The following NKAIN3 variants were observed in gnomAD, a reference collection of about 807,000 sequenced individuals.
NKAIN3 encodes sodium/potassium-transporting ATPase subunit beta-1-interacting protein 3.
NKAIN3 carries 25 observed loss-of-function variants against 30.2 expected under a neutral mutation model. The ratio of observed to expected loss-of-function variants is 0.83; its 90% CI spans 0.60 to 1.16. The LOEUF (loss-of-function observed/expected upper bound fraction) is 1.16, where lower values mean the gene tolerates loss of function less well. Among genes scored for constraint, NKAIN3 ranks in the 50% most tolerant of loss-of-function variants. The probability of loss-of-function intolerance (pLI) is 0.00; values close to 1 mark genes in which losing one functional copy is unlikely to be tolerated. For synonymous variants in NKAIN3, 91 were observed against 89.6 expected, an observed-to-expected ratio of 1.02 and a Z score of -0.09; for missense variants, 225 against 254.1, an observed-to-expected ratio of 0.89 and a Z score of 0.78.
chr8:62,499,307 A>G (rs1480070917), intron 1 of NKAIN3, among the ~76,000 whole-genome samples: 1 of 152,040 alleles, frequency 6.6e-6, no homozygotes, highest in Non-Finnish European at 1.5e-5. Context: ...AATGCCGTTG[A>G]ATGATTCCCA....
chr8:62,393,999 G>T (rs1817652872), intron 1 of NKAIN3, among the ~76,000 whole-genome samples: 2 of 152,086 alleles, frequency 1.3e-5, no homozygotes, highest in Non-Finnish European at 2.9e-5. Context: ...GGTTCTTTAA[G>T]ATTTTCTACA....
intron 4 of NKAIN3, among the ~76,000 whole-genome samples, chr8:62,843,631 G>A (rs547069848): frequency 1.3e-5 from 2 of 152,018 alleles, no homozygotes; most frequent in Admixed American, 6.6e-5. Flanking sequence ...CACCATGGCC[G>A]GCCCCTGCTG....
intron 3 of NKAIN3, among the ~76,000 whole-genome samples, chr8:62,602,856 T>A (rs1811022416): frequency 6.6e-6 from 1 of 152,146 alleles, no homozygotes; most frequent in African/African-American, 2.4e-5. Flanking sequence ...TTAATGAGTC[T>A]ATAATTATTC....
intron 4 of NKAIN3, among the ~76,000 whole-genome samples, chr8:62,749,834 C>T (rs1483895919): frequency 3.3e-5 from 5 of 151,350 alleles, no homozygotes; most frequent in Admixed American, 6.6e-5. Context: ...AGGTGCACGC[C>T]GCCACGTCCA....
intron 1 of NKAIN3, among the ~76,000 whole-genome samples, chr8:62,293,397 A>C (rs984837296): frequency 6.6e-6 from 1 of 152,108 alleles, no homozygotes; most frequent in African/African-American, 2.4e-5. Flanking sequence ...GATGATGGTG[A>C]CATACAGATG....
At chr8:62,494,337 A>G (rs1026167078) in intron 1 of NKAIN3, among the ~76,000 whole-genome samples, 1 of 152,136 alleles carries the variant, frequency 6.6e-6, no homozygotes, top group Non-Finnish European at 1.5e-5. Context: ...TGATTTGCAT[A>G]TGTTGAACCA....
In NKAIN3 at chr8:62,883,457, G is replaced by GTTGTTTTTTTTTTTTTTTTTTTTTTTTT; in HGVS notation, c.472-34994_472-34993insGTTTTTTTTTTTTTTTTTTTTTTTTTTT. Among the ~76,000 whole-genome samples, 16 of 70,226 alleles carry GTTGTTTTTTTTTTTTTTTTTTTTTTTTT rather than the reference G, an allele frequency of 2.3e-4. 2 individuals are homozygous for GTTGTTTTTTTTTTTTTTTTTTTTTTTTT. Among genetic ancestry groups the GTTGTTTTTTTTTTTTTTTTTTTTTTTTT allele is most frequent in the African/African-American group, 8.4e-4 (12 of 14,284 alleles). The allele number at this position is 70,226 out of a possible 152,430, so 46.1% of individuals were successfully genotyped here. A position where few individuals can be genotyped will look rare whatever the true frequency, so the allele number is the denominator to read the frequency against. On this transcript the variant is annotated intron_variant, in intron 4 of 6. Coordinates refer to ENST00000623646, the MANE Select transcript of NKAIN3 (RefSeq NM_001304533.3). ...TTTATTATTTCCAGGAGTTTTATGG[G>GTTGTTTTTTTTTTTTTTTTTTTTTTTTT]TTTTTTTTTTTTTTTTCAGATTTTC...
intron 4 of NKAIN3, among the ~76,000 whole-genome samples, chr8:62,827,896 T>C (rs764795950): frequency 6.2e-4 from 95 of 152,136 alleles, no homozygotes; most frequent in Non-Finnish European, 1.2e-3. Context: ...TTATGCACAT[T>C]TTAGAACACA....
chr8:62,571,057 A>G (rs1563462704), intron 1 of NKAIN3, among the ~76,000 whole-genome samples: 1 of 152,202 alleles, frequency 6.6e-6, no homozygotes, highest in Admixed American at 6.5e-5. Context: ...GTGTGATGTA[A>G]AAGCTCTAAA....
chr8:62,855,749 G>C, intron 4 of NKAIN3: 1 of 1,375,872 alleles, frequency 7.3e-7, no homozygotes, highest in South Asian at 1.2e-5. Context: ...CTGCTCTGGA[G>C]TTGCCATGAC....
chr8:62,709,859 G>T (rs1020249016), intron 3 of NKAIN3, among the ~76,000 whole-genome samples: 1 of 151,910 alleles, frequency 6.6e-6, no homozygotes, highest in African/African-American at 2.4e-5. Context: ...AGGCATTTAG[G>T]GCTATGAACT....
chr8:62,839,680 C>T (rs1455595723), intron 4 of NKAIN3, among the ~76,000 whole-genome samples: 1 of 151,964 alleles, frequency 6.6e-6, no homozygotes, highest in Non-Finnish European at 1.5e-5. Context: ...GGCTCCTGGG[C>T]TCAATAATCC....
At chr8:62,800,803 C>G (rs1323996594) in intron 4 of NKAIN3, among the ~76,000 whole-genome samples, 1 of 152,204 alleles carries the variant, frequency 6.6e-6, no homozygotes, top group African/African-American at 2.4e-5. Flanking sequence ...CAAGCTGAAG[C>G]AGGGCGAGGC....
At chr8:62,500,454 AAAG>A (rs1807396890) in intron 1 of NKAIN3, among the ~76,000 whole-genome samples, 1 of 140,136 alleles carries the variant, frequency 7.1e-6, no homozygotes, top group Non-Finnish European at 1.5e-5. Context: ...AGAAAGAAAG[AAAG>A]AAAGAAAGAA....
chr8:62,647,907 C>T (rs745309873), intron 3 of NKAIN3, among the ~76,000 whole-genome samples: 1 of 152,012 alleles, frequency 6.6e-6, no homozygotes, highest in Non-Finnish European at 1.5e-5. Context: ...GTGAGGTAGG[C>T]GGATGGCTCG....
At position 62,855,272 on chromosome 8, in the gene NKAIN3, T is replaced by A. The variant is rs1586273169; in HGVS notation, c.472-63181T>A. On this transcript the variant is annotated intron_variant, in intron 4 of 6. Coordinates refer to ENST00000623646, the MANE Select transcript of NKAIN3 (RefSeq NM_001304533.3). ...ACAAGGCCTGCCAGCCTGGCCACAG[T>A]GTGGAAGGGCAGCTGGTCACACAGC... 1.2e-5 allele frequency: 6 copies of A among 482,084 alleles called. No homozygotes were observed. The East Asian group carries it at 2.6e-4, about 21-fold the overall frequency. 29.9% of individuals were successfully genotyped at this position (482,084 alleles called of 1,614,324 possible).
chr8:62,290,307 C>A (rs561263372), intron 1 of NKAIN3, among the ~76,000 whole-genome samples: 1 of 152,276 alleles, frequency 6.6e-6, no homozygotes, highest in African/African-American at 2.4e-5. Flanking sequence ...GAGAGGGCAT[C>A]CCTGTCTTGT....
chr8:62,906,519 T>C (rs1339767721), intron 4 of NKAIN3, among the ~76,000 whole-genome samples: 1 of 152,182 alleles, frequency 6.6e-6, no homozygotes, highest in Non-Finnish European at 1.5e-5. Flanking sequence ...ATGGTTTGGC[T>C]GTGTCCCCAC....
chr8:62,267,853 T>G (rs1812655488), intron 1 of NKAIN3, among the ~76,000 whole-genome samples: 1 of 152,220 alleles, frequency 6.6e-6, no homozygotes, highest in Admixed American at 6.5e-5. Flanking sequence ...AGCCAAGTAA[T>G]TAAGAGCATG....
Sources: allele counts gnomAD v4.1 joint callset (sites outside exome capture counted in the v4.1 genomes callset), GRCh38; gene constraint gnomAD v4.1.1; transcripts MANE v1.5; gene names NCBI Gene and HGNC (gene_info 2026-07-23, HGNC 2026-07-21).